HERC1: variants seen among roughly 807,000 people sequenced by gnomAD.
HERC1 encodes HECT and RLD domain containing E3 ubiquitin protein ligase family member 1, also known as probable E3 ubiquitin-protein ligase HERC1.
A neutral mutation model predicts 554.3 loss-of-function variants in HERC1; 160 were observed. The observed-to-expected ratio is 0.29, with a 90% CI of 0.25 to 0.33. The LOEUF (loss-of-function observed/expected upper bound fraction) is 0.33, where lower values mean the gene tolerates loss of function less well. Ranked by LOEUF, HERC1 falls within the 10% of genes least tolerant of loss-of-function variation. The pLI, the probability that HERC1 is intolerant of heterozygous loss-of-function variation, is 1.00. For synonymous variants in HERC1, 2,175 were observed against 2,131.7 expected (o/e 1.02, Z -0.56); for missense variants, 4,919 against 5,918.5 (o/e 0.83, Z 5.54).
chr15:63,740,199 T>G (rs1017103053), intron 12 of HERC1, among the ~76,000 whole-genome samples: 2 of 152,208 alleles, frequency 1.3e-5, no homozygotes, highest in African/African-American at 2.4e-5. Context: ...TGTGGGCCAC[T>G]GCATCCAGCC....
intron 14 of HERC1, among the ~76,000 whole-genome samples, chr15:63,730,881 T>C (rs2074262162): frequency 6.6e-6 from 1 of 152,212 alleles, no homozygotes; most frequent in African/African-American, 2.4e-5. Flanking sequence ...AAAGAGATGC[T>C]TTGTATATTT....
intron 74 of HERC1, among the ~76,000 whole-genome samples, chr15:63,621,092 T>C (rs866005837): frequency 1.3e-5 from 2 of 152,012 alleles, no homozygotes; most frequent in African/African-American, 2.4e-5. Context: ...CTAGCCTCGA[T>C]GGTCTTTACA....
chr15:63,694,530 A>G lies in HERC1; in HGVS notation c.5262T>C (p.Leu1754=). Residue 1754 remains leucine (L), a synonymous_variant, in exon 29 of 78, where the codon CTT becomes CTC. Transcript: ENST00000443617. This position sits in a 1 kb window ranked among gnomAD's most constrained non-coding sequence, Gnocchi z 4.3. ...KHHIEAQQRL[L]LVTVFALSVH... is the part of the protein sequence containing the mutation. The stretch of plus-strand genomic sequence containing the variant: ...CACTTAGGGCAAAAACTGTAACCAG[A>G]AGCAGACGTTGCTGGGCTTCTAAAA... 6.2e-7 allele frequency: 1 copy of G among 1,614,036 alleles called. No homozygotes were observed. The highest frequency in any genetic ancestry group is 2.2e-5 in the East Asian group (1 of 44,892).
chr15:63,819,567 C>T (rs1030103257), intron 1 of HERC1, among the ~76,000 whole-genome samples: 2 of 152,204 alleles, frequency 1.3e-5, no homozygotes, highest in Non-Finnish European at 2.9e-5. Context: ...CCAGTCCTTA[C>T]ACCAATTACT....
At position 63,699,002 on chromosome 15, in the gene HERC1, T is replaced by C. The variant is rs900160426; in HGVS notation, c.4637-6A>G. ...CAATTGACTGTGCATAGGACCTATA[T>C]ACAAACAGAATAAACATATATCAAT... On this transcript the variant is annotated splice_region_variant and splice_polypyrimidine_tract_variant and intron_variant, in intron 25 of 77. Coordinates refer to ENST00000443617, the MANE Select transcript of HERC1 (RefSeq NM_003922.4). The C allele has an allele frequency of 6.9e-6, 11 of 1,601,278 alleles. No homozygotes were observed. In the African/African-American group the frequency reaches 1.2e-4, roughly 18 times the overall value.
intron 42 of HERC1, 55 bp from the exon 43 acceptor site, chr15:63,664,649 A>G: frequency 1.3e-6 from 2 of 1,536,506 alleles, no homozygotes; most frequent in Non-Finnish European, 1.8e-6. Flanking sequence ...TATGGAAAGA[A>G]AGCATAGGTG....
intron 74 of HERC1, among the ~76,000 whole-genome samples, chr15:63,620,901 T>C (rs1456361934): frequency 2.0e-5 from 3 of 152,160 alleles, no homozygotes; most frequent in Non-Finnish European, 4.4e-5. Flanking sequence ...GCATGTGAGA[T>C]GGGTTTCCTG....
In HERC1 at chr15:63,811,645, T is replaced by C. The variant is rs181061204; in HGVS notation, c.-27+22182A>G. On this transcript the variant is annotated intron_variant, in intron 1 of 77. Transcript: ENST00000443617. ...TAACATGGTGAAACCCCGTCTCTCCTAAAATTATACAAAATTAGCCGGGTG... is the reference window on the plus strand; with the variant it reads ...TAACATGGTGAAACCCCGTCTCTCCCAAAATTATACAAAATTAGCCGGGTG... 5.9e-3 allele frequency among the ~76,000 whole-genome samples: 898 copies of C among 151,742 alleles called. 12 individuals carry two copies. The highest frequency in any genetic ancestry group is 5.6e-3 in the Non-Finnish European group (379 of 67,900).
At chr15:63,688,782 T>C (rs2071931761) in intron 33 of HERC1, among the ~76,000 whole-genome samples, 1 of 152,162 alleles carries the variant, frequency 6.6e-6, no homozygotes, top group Non-Finnish European at 1.5e-5. Flanking sequence ...CTAGTGACTA[T>C]ATGCATGGGG....
chr15:63,628,745 C>T lies in HERC1; in HGVS notation c.13037G>A (p.Arg4346Gln), dbSNP rs781695569. The change falls in exon 70 of 78, where the codon CGG (arginine) becomes CAG (glutamine). Residue 4346 changes from arginine (R) to glutamine (Q), a missense_variant. This residue lies in a region of HERC1 where 410 missense variants were observed against 467.0 expected (regional missense o/e 0.88). Coordinates refer to ENST00000443617, the MANE Select transcript of HERC1 (RefSeq NM_003922.4). ...GTGGCAGCGGCCAGCCGAGATCTGC[C>T]GAACATTTTTCCCTTGCAGACCTGT... Reference protein sequence around the residue: ...LVTGLQGKNVRQISAGRCHSA... With the variant: ...LVTGLQGKNVQQISAGRCHSA... The T allele has an allele frequency of 1.3e-5, 21 of 1,613,810 alleles. No homozygotes were observed. The highest frequency in any genetic ancestry group is 1.1e-4 in the East Asian group (5 of 44,892).
chr15:63,830,840 C>G (rs74019049), intron 1 of HERC1, among the ~76,000 whole-genome samples: 1,562 of 152,216 alleles, frequency 0.01, 20 homozygotes, highest in African/African-American at 0.036. Flanking sequence ...TTAGAGAGCC[C>G]GGTAGGCAAC....
intron 12 of HERC1, among the ~76,000 whole-genome samples, chr15:63,743,239 CTTTT>C (rs1046153649): frequency 2.4e-5 from 3 of 125,386 alleles, no homozygotes; most frequent in East Asian, 2.1e-4. Context: ...TGTGTATTTT[CTTTT>C]TTTTTCTTTT....
chr15:63,707,340 T>C (rs904221096), intron 24 of HERC1, among the ~76,000 whole-genome samples: 5 of 152,246 alleles, frequency 3.3e-5, no homozygotes, highest in African/African-American at 4.8e-5. Context: ...GAAAAGATTT[T>C]TAAATGTCTT....
At chr15:63,661,656 T>C in intron 45 of HERC1, 97 bp downstream of exon 45, 1 of 1,289,114 alleles carries the variant, frequency 7.8e-7, no homozygotes, top group Non-Finnish European at 1.1e-6. Flanking sequence ...TCAGGGAAGG[T>C]TAAATGTAAC....
chr15:63,667,159 G>A (rs535072852), intron 40 of HERC1, among the ~76,000 whole-genome samples: 55 of 152,314 alleles, frequency 3.6e-4, no homozygotes, highest in African/African-American at 1.3e-3. Flanking sequence ...TGTATTAAAT[G>A]TGGTATCTTT....
At chr15:63,776,311 C>G (rs2076113097) in intron 1 of HERC1, among the ~76,000 whole-genome samples, 1 of 152,130 alleles carries the variant, frequency 6.6e-6, no homozygotes, top group Non-Finnish European at 1.5e-5. Context: ...CCAGTACCAC[C>G]ACCCCACCCA....
intron 1 of HERC1, among the ~76,000 whole-genome samples, chr15:63,790,609 T>C (rs766704888): frequency 6.2e-5 from 7 of 113,180 alleles, no homozygotes; most frequent in Non-Finnish European, 1.3e-4. Context: ...AAAGTACTTT[T>C]TAAATACTAG....
chr15:63,789,078 GTTTTTTTTTTTTTTTT>G (rs71131178), intron 1 of HERC1, among the ~76,000 whole-genome samples: 2 of 83,604 alleles, frequency 2.4e-5, no homozygotes, highest in Non-Finnish European at 4.4e-5. Flanking sequence ...GGAATAAAAG[GTTTTTTTTTTTTTTTT>G]TTTTTTTTTT....
At chr15:63,654,058 G>T in intron 51 of HERC1, 61 bp downstream of exon 51, 1 of 1,334,898 alleles carries the variant, frequency 7.5e-7, no homozygotes, top group Non-Finnish European at 1.1e-6. Flanking sequence ...TCCTTGAGAA[G>T]AGAAGAGACT....
Sources: gnomAD v4.1 joint callset for allele counts (sites outside exome capture counted in the v4.1 genomes callset) on GRCh38, gnomAD v4.1.1 for gene constraint, gnomAD v4.1.1 regional missense constraint, Gnocchi (gnomAD v3.1) non-coding constraint, MANE v1.5 for transcripts, NCBI Gene and HGNC (gene_info 2026-07-23, HGNC 2026-07-21) for gene names.